Variants in GRAMD1C observed in about 807,000 individuals in gnomAD.
GRAMD1C encodes the protein GRAM domain containing 1C.
GRAMD1C carries 89 observed loss-of-function variants against 97.8 expected under a neutral mutation model. The observed-to-expected ratio is 0.91, with a 90% CI of 0.77 to 1.09. The LOEUF is 1.09. Ranked by LOEUF, GRAMD1C falls within the 50% of genes least tolerant of loss-of-function variation. The probability of loss-of-function intolerance (pLI) is 0.00; values close to 1 mark genes in which losing one functional copy is unlikely to be tolerated. For missense variants in GRAMD1C, 740 were observed against 766.4 expected, an observed-to-expected ratio of 0.97 and a Z score of 0.41; for synonymous variants, 256 against 267.0, an observed-to-expected ratio of 0.96 and a Z score of 0.40.
intron 3 of GRAMD1C, among the ~76,000 whole-genome samples, chr3:113,870,768 A>C (rs1015861694): frequency 6.6e-6 from 1 of 152,036 alleles, no homozygotes; most frequent in African/African-American, 2.4e-5. Context: ...ATAATTAGAC[A>C]ATGGAAAACT....
chr3:113,920,125 GA>G, intron 10 of GRAMD1C: 1 of 1,389,138 alleles, frequency 7.2e-7, no homozygotes, highest in Non-Finnish European at 1.0e-6. Flanking sequence ...AAAAACTGAG[GA>G]AACAGAGAAA....
intron 1 of GRAMD1C, among the ~76,000 whole-genome samples, chr3:113,842,112 T>C (rs1340120445): frequency 6.6e-6 from 1 of 152,238 alleles, no homozygotes; most frequent in Non-Finnish European, 1.5e-5. Flanking sequence ...TTCAGGGCAA[T>C]GTATACCACC....
intron 9 of GRAMD1C, among the ~76,000 whole-genome samples, chr3:113,915,240 A>G (rs138857038): frequency 6.6e-6 from 1 of 152,326 alleles, no homozygotes; most frequent in East Asian, 1.9e-4. Flanking sequence ...ATTCAGGCTG[A>G]TAAGCTAAGT....
At chr3:113,881,662 GAGAT>G (rs1298241971) in intron 5 of GRAMD1C, among the ~76,000 whole-genome samples, 2 of 152,320 alleles carry the variant, frequency 1.3e-5, no homozygotes, top group South Asian at 4.1e-4. Context: ...TGGTGAAAAT[GAGAT>G]AGACTAGGAG....
chr3:113,885,773 G>A (rs1409615536), intron 6 of GRAMD1C: 2 of 1,594,908 alleles, frequency 1.3e-6, no homozygotes, highest in African/African-American at 2.7e-5. Flanking sequence ...ATTACAGACA[G>A]CACTGCACTT....
intron 17 of GRAMD1C, 92 bp downstream of exon 17, chr3:113,940,437 T>C (rs1937716070): frequency 2.7e-6 from 2 of 738,546 alleles, no homozygotes; most frequent in Non-Finnish European, 4.7e-6. Context: ...TACCCTACTA[T>C]CGTTTGAAAA....
chr3:113,899,411 A>G (rs377493621), intron 6 of GRAMD1C, among the ~76,000 whole-genome samples: 190 of 152,232 alleles, frequency 1.2e-3, no homozygotes, highest in African/African-American at 4.4e-3. Context: ...GCATGATCAT[A>G]TTATATCTTG....
intron 3 of GRAMD1C, among the ~76,000 whole-genome samples, chr3:113,871,764 A>AC (rs1463837834): frequency 1.3e-5 from 2 of 150,488 alleles, no homozygotes; most frequent in African/African-American, 4.9e-5. Flanking sequence ...AAAAAAAAAA[A>AC]AACAACCAAC....
At position 113,875,579 on chromosome 3, in the gene GRAMD1C, G is replaced by GA. The variant is rs1934994463; in HGVS notation, c.358dup (p.Thr120AsnfsTer33). Reference sequence around the variant, plus strand: ...TTTCTATAGCAACATCTTCAGATGGGAAACTACAGTAAGACATTTTGCATT... The same window carrying GA: ...TTTCTATAGCAACATCTTCAGATGGGAAAACTACAGTAAGACATTTTGCATT... On this transcript the variant is annotated frameshift_variant, in exon 4 of 18. Coordinates refer to ENST00000358160, the MANE Select transcript of GRAMD1C (RefSeq NM_017577.5). LOFTEE classifies it high-confidence loss of function. 1.5e-6 allele frequency: 2 copies of GA among 1,337,444 alleles called. No homozygotes were observed. The highest frequency in any genetic ancestry group is 3.4e-5 in the Admixed American group (2 of 59,612). 82.8% of individuals were successfully genotyped at this position (1,337,444 alleles called of 1,614,324 possible). A position where few individuals can be genotyped will look rare whatever the true frequency, so the allele number is the denominator to read the frequency against.
chr3:113,946,828 G>C lies in GRAMD1C; in HGVS notation c.*1350G>C, dbSNP rs1387454971. 1 of 152,182 alleles carries C rather than the reference G, an allele frequency of 6.6e-6. No individual in the cohort carries two copies. The highest frequency in any genetic ancestry group is 1.5e-5 in the Non-Finnish European group (1 of 68,050). The allele number at this position is 152,182 out of a possible 1,614,324, so 9.4% of individuals were successfully genotyped here. A position where few individuals can be genotyped will look rare whatever the true frequency, so the allele number is the denominator to read the frequency against. On this transcript the variant is annotated 3_prime_UTR_variant, in exon 18 of 18. Coordinates refer to ENST00000358160, the MANE Select transcript of GRAMD1C (RefSeq NM_017577.5). ...AATGAAAGTATTGACTCCGTTAGAG[G>C]GAAAATGGGTTTCTCTGGGTGAATT...
chr3:113,850,558 T>G, intron 2 of GRAMD1C: 1 of 1,602,492 alleles, frequency 6.2e-7, no homozygotes, highest in East Asian at 2.2e-5. Context: ...AACTGTTCCT[T>G]CACGTAGCCT....
intron 1 of GRAMD1C, among the ~76,000 whole-genome samples, chr3:113,830,681 T>C (rs925837136): frequency 1.3e-5 from 2 of 152,236 alleles, no homozygotes; most frequent in Non-Finnish European, 2.9e-5. Context: ...ACTATAATCT[T>C]ATGGGACCAC....
chr3:113,844,533 A>T lies in GRAMD1C; in HGVS notation c.58A>T (p.Thr20Ser). The T allele has an allele frequency of 6.2e-7, 1 of 1,604,964 alleles. No individual in the cohort carries two copies. Among genetic ancestry groups the T allele is most frequent in the Non-Finnish European group, 8.5e-7 (1 of 1,173,578 alleles). Residue 20 changes from threonine to serine, a missense_variant, in exon 2 of 18, where the codon ACC becomes TCC. Physicochemically the swap from Thr to Ser is moderately conservative, Grantham distance 58. Transcript: ENST00000358160. ...VMNEGDSSLATDLQEDVEENP... is the reference protein window; with the variant it reads ...VMNEGDSSLASDLQEDVEENP... The stretch of plus-strand genomic sequence containing the variant: ...GAATGAAGGGGATTCAAGCCTTGCC[A>T]CCGACTTACAGGAAGATGTAGAGGA...
At position 113,875,740 on chromosome 3, in the gene GRAMD1C, A is replaced by G. The variant is rs1170036568; in HGVS notation, c.363+153A>G. On this transcript the variant is annotated intron_variant, in intron 4 of 17. Coordinates refer to ENST00000358160, the MANE Select transcript of GRAMD1C (RefSeq NM_017577.5). Reference sequence around the variant, plus strand: ...GCATGTAAATACAAACGTGTTGTATATATAAGTGTATAATATATTTTTCTG... The same window carrying G: ...GCATGTAAATACAAACGTGTTGTATGTATAAGTGTATAATATATTTTTCTG... The G allele has an allele frequency of 1.6e-5, 8 of 505,592 alleles. No individual in the cohort carries two copies. In the East Asian group the frequency reaches 2.5e-4, roughly 16 times the overall value. 31.3% of individuals were successfully genotyped at this position (505,592 alleles called of 1,614,324 possible).
intron 16 of GRAMD1C, 76 bp from the exon 17 acceptor site, chr3:113,940,164 G>A (rs758750619): frequency 2.1e-6 from 2 of 971,920 alleles, no homozygotes; most frequent in Non-Finnish European, 3.3e-6. Flanking sequence ...AATTTATGGG[G>A]CTCTGATGAT....
intron 2 of GRAMD1C, among the ~76,000 whole-genome samples, chr3:113,852,795 C>G (rs1472929365): frequency 1.3e-5 from 2 of 152,098 alleles, no homozygotes; most frequent in African/African-American, 4.8e-5. Flanking sequence ...ACTCCCATAC[C>G]CTCTGTGAAA....
intron 10 of GRAMD1C, among the ~76,000 whole-genome samples, chr3:113,916,166 A>G (rs763685032): frequency 6.6e-6 from 1 of 152,232 alleles, no homozygotes; most frequent in Non-Finnish European, 1.5e-5. Context: ...GGTGGAGTGT[A>G]AATTGGAACA....
intron 6 of GRAMD1C, chr3:113,890,618 A>G: frequency 1.7e-6 from 1 of 583,488 alleles, no homozygotes; most frequent in Non-Finnish European, 3.1e-6. Flanking sequence ...ACCCCACCCC[A>G]AATACTAACT....
intron 1 of GRAMD1C, among the ~76,000 whole-genome samples, chr3:113,833,767 C>T (rs1315701019): frequency 6.6e-6 from 1 of 152,164 alleles, no homozygotes; most frequent in African/African-American, 2.4e-5. Flanking sequence ...AAGCATTCCC[C>T]TGATTGTGGT....
Sources: gnomAD v4.1 joint callset for allele counts (sites outside exome capture counted in the v4.1 genomes callset) on GRCh38, gnomAD v4.1.1 for gene constraint, MANE v1.5 for transcripts, NCBI Gene and HGNC (gene_info 2026-07-23, HGNC 2026-07-21) for gene names.